The following USO1 variants were observed in gnomAD, a reference collection of about 807,000 sequenced individuals.
The protein encoded by USO1 is general vesicular transport factor p115.
Under a neutral mutation model 124.5 loss-of-function variants are expected in USO1, and 57 were observed. The ratio of observed to expected loss-of-function variants is 0.46; its 90% CI spans 0.37 to 0.57. The LOEUF (loss-of-function observed/expected upper bound fraction) is 0.57, where lower values mean the gene tolerates loss of function less well. USO1 is among the 20% of genes least tolerant of loss of function. USO1 has a pLI of 0.00. For missense variants in USO1, 900 were observed against 1,040.6 expected (o/e 0.86, Z 1.86); for synonymous variants, 369 against 362.8 (o/e 1.02, Z -0.19).
At chr4:75,782,353 A>T (rs191455618) in intron 8 of USO1, among the ~76,000 whole-genome samples, 2 of 152,384 alleles carry the variant, frequency 1.3e-5, no homozygotes, top group East Asian at 3.9e-4. Flanking sequence ...AGGCTACTGT[A>T]AGAGCATGTA....
intron 1 of USO1, among the ~76,000 whole-genome samples, chr4:75,745,534 C>T (rs1432780777): frequency 6.6e-6 from 1 of 152,204 alleles, no homozygotes; most frequent in African/African-American, 2.4e-5. Context: ...CTAGACTCTG[C>T]TCCCAAACTG....
At chr4:75,743,098 C>T (rs1238793816) in intron 1 of USO1, among the ~76,000 whole-genome samples, 1 of 151,822 alleles carries the variant, frequency 6.6e-6, no homozygotes, top group Non-Finnish European at 1.5e-5. Flanking sequence ...CATTCTCCTG[C>T]CTCAGCCTCC....
intron 13 of USO1, among the ~76,000 whole-genome samples, chr4:75,798,101 C>CT (rs969181086): frequency 9.2e-5 from 14 of 151,950 alleles, no homozygotes; most frequent in African/African-American, 2.9e-4. Context: ...AGTACTTTAT[C>CT]TTTTTTTGTC....
intron 1 of USO1, among the ~76,000 whole-genome samples, chr4:75,732,714 T>C (rs953074463): frequency 6.6e-6 from 1 of 150,406 alleles, no homozygotes; most frequent in African/African-American, 2.5e-5. Flanking sequence ...CCGTCTCTAC[T>C]AAAAATACAA....
intron 4 of USO1, chr4:75,760,476 G>A (rs1028450869): frequency 1.3e-5 from 5 of 375,150 alleles, no homozygotes; most frequent in African/African-American, 4.2e-5. Context: ...TTCTTCCAAA[G>A]GATTATGTAG....
Position 75,790,750 on chromosome 4 carries a change from A to C in USO1, c.1193A>C (p.Lys398Thr), listed in dbSNP as rs1234091439. The C allele has an allele frequency of 5.0e-6, 8 of 1,613,240 alleles. No individual in the cohort carries two copies. Among genetic ancestry groups the C allele is most frequent in the African/African-American group, 1.3e-5 (1 of 74,940 alleles). The change falls in exon 12 of 24, where the codon AAA becomes ACA. Residue 398 changes from lysine to threonine, a missense_variant. Transcript: ENST00000514213. ...CFQCFLYKNQ[K>T]GQGEIVSTLL... The stretch of plus-strand genomic sequence containing the variant: ...CAGTGTTTCTTGTATAAAAACCAAA[A>C]AGGACAAGGAGAAATCGTGTCAACA...
intron 1 of USO1, among the ~76,000 whole-genome samples, chr4:75,726,281 CAAAAAAAA>C (rs1182405273): frequency 4.0e-5 from 3 of 75,500 alleles, no homozygotes; most frequent in African/African-American, 8.8e-5. Flanking sequence ...AACTCTGTCT[CAAAAAAAA>C]AAAAAAAAAA....
chr4:75,774,888 C>A, intron 8 of USO1, 92 bp downstream of exon 8: 2 of 1,457,024 alleles, frequency 1.4e-6, no homozygotes, highest in South Asian at 1.6e-5. Flanking sequence ...GAAATGGGGA[C>A]TCTTATTTAT....
intron 1 of USO1, among the ~76,000 whole-genome samples, chr4:75,732,675 A>G (rs6857365): frequency 0.9 from 136,170 of 150,896 alleles, 61,575 homozygotes; most frequent in African/African-American, 0.97. Context: ...TGAGGAGATC[A>G]AGACCATCCT....
chr4:75,805,300 T>C lies in USO1; in HGVS notation c.2286T>C (p.Asn762=). The C allele has an allele frequency of 6.3e-7, 1 of 1,591,450 alleles. No individual in the cohort carries two copies. Among genetic ancestry groups the C allele is most frequent in the Non-Finnish European group, 8.5e-7 (1 of 1,171,752 alleles). ...CTGAAAAGGACTCTATGATTGAAAATATGGTAAAGTAAATGTTTAAGAAGT... is the reference window on the plus strand; with the variant it reads ...CTGAAAAGGACTCTATGATTGAAAACATGGTAAAGTAAATGTTTAAGAAGT... ...QLTEKDSMIE[N]MKSSQTSGTN... is the part of the protein sequence containing the mutation. Residue 762 remains asparagine, a synonymous_variant, in exon 19 of 24, where the codon AAT becomes AAC. Transcript: ENST00000514213.
At chr4:75,740,641 C>A (rs1212715542) in intron 1 of USO1, among the ~76,000 whole-genome samples, 2 of 152,134 alleles carry the variant, frequency 1.3e-5, no homozygotes, top group Non-Finnish European at 2.9e-5. Context: ...CTTTATAAAA[C>A]ATAGCTACTG....
intron 3 of USO1, among the ~76,000 whole-genome samples, chr4:75,753,545 A>G (rs906818820): frequency 6.4e-4 from 97 of 151,964 alleles, no homozygotes; most frequent in African/African-American, 2.2e-3. Flanking sequence ...AAAAAAACAA[A>G]AAAGATAAAT....
chr4:75,790,555 T>G, intron 11 of USO1, 88 bp from the exon 12 acceptor site: 1 of 1,498,606 alleles, frequency 6.7e-7, no homozygotes, highest in Non-Finnish European at 8.9e-7. Flanking sequence ...CTGGTTATGA[T>G]TCTTCAATCA....
chr4:75,730,770 A>G (rs1341895111), intron 1 of USO1, among the ~76,000 whole-genome samples: 2 of 152,000 alleles, frequency 1.3e-5, no homozygotes, highest in East Asian at 1.9e-4. Context: ...CAGAAGTGCC[A>G]TAAACATTTT....
chr4:75,794,808 G>A (rs893602762), intron 13 of USO1, among the ~76,000 whole-genome samples: 1 of 152,066 alleles, frequency 6.6e-6, no homozygotes, highest in Non-Finnish European at 1.5e-5. Context: ...ATAAATGAAA[G>A]CTTAAAAAGT....
At chr4:75,725,510 C>T (rs1720399600) in intron 1 of USO1, among the ~76,000 whole-genome samples, 1 of 151,788 alleles carries the variant, frequency 6.6e-6, no homozygotes, top group African/African-American at 2.4e-5. Flanking sequence ...TATCATTTGG[C>T]AAATGCTACC....
rs183989904 is a variant in USO1, at chr4:75,812,967, A to C, written c.2800-239A>C. On this transcript the variant is annotated intron_variant, in intron 23 of 23. Transcript: ENST00000514213. Reference sequence around the variant, plus strand: ...CTCTACTAAAAATACAAAAATTAGCAGGGCGCTTGGTGGCAGGCACCTGTA... The same window carrying C: ...CTCTACTAAAAATACAAAAATTAGCCGGGCGCTTGGTGGCAGGCACCTGTA... Among the ~76,000 whole-genome samples, 24 of 152,056 alleles carry C rather than the reference A, an allele frequency of 1.6e-4. No homozygotes were observed. The East Asian group carries it at 4.6e-3, about 29-fold the overall frequency.
rs773843123 is a variant in USO1 at position 75,782,900 on chromosome 4, G to C, written c.855+42G>C. The C allele has an allele frequency of 1.8e-5, 28 of 1,517,428 alleles. No homozygotes were observed. The South Asian group carries it at 3.3e-4, about 18-fold the overall frequency. 94.0% of individuals were successfully genotyped at this position (1,517,428 alleles called of 1,614,324 possible). A position where few individuals can be genotyped will look rare whatever the true frequency, so the allele number is the denominator to read the frequency against. On this transcript the variant is annotated intron_variant, in intron 9 of 23. Coordinates refer to ENST00000514213, the MANE Select transcript of USO1 (RefSeq NM_003715.4). ...CATAAATGTGGTAAGAATTTTGACA[G>C]TGATCTTTTCAAAGAGAAGAAAATC...
chr4:75,782,331 A>G (rs1409182703), intron 8 of USO1, among the ~76,000 whole-genome samples: 1 of 152,216 alleles, frequency 6.6e-6, no homozygotes, highest in Middle Eastern at 3.2e-3. Context: ...ACTACCTAAT[A>G]ATAAAAGGAG....
Sources: allele counts gnomAD v4.1 joint callset (sites outside exome capture counted in the v4.1 genomes callset), GRCh38; gene constraint gnomAD v4.1.1; transcripts MANE v1.5; gene names NCBI Gene and HGNC (gene_info 2026-07-23, HGNC 2026-07-21).